PLCL2: variants seen among roughly 807,000 people sequenced by gnomAD.
PLCL2 encodes phospholipase C like 2.
Under a neutral mutation model 79.6 loss-of-function variants are expected in PLCL2, and 4 were observed. The ratio of observed to expected loss-of-function variants is 0.05; its 90% CI spans 0.02 to 0.11. The LOEUF (loss-of-function observed/expected upper bound fraction) is 0.11. Among genes scored for constraint, PLCL2 ranks in the 10% least tolerant of loss-of-function variants. The pLI, the probability that PLCL2 is intolerant of heterozygous loss-of-function variation, is 1.00. For missense variants in PLCL2, 895 were observed against 1,291.0 expected, an observed-to-expected ratio of 0.69 and a Z score of 4.70; for synonymous variants, 484 against 457.7, an observed-to-expected ratio of 1.06 and a Z score of -0.73.
At chr3:16,938,570 C>T (rs1697600151) in intron 1 of PLCL2, among the ~76,000 whole-genome samples, 1 of 151,870 alleles carries the variant, frequency 6.6e-6, no homozygotes, top group South Asian at 2.1e-4. Flanking sequence ...TTTGATTGTC[C>T]CTTATTTAAA....
At position 16,997,506 on chromosome 3, in the gene PLCL2, C is replaced by T. The variant is rs139521124; in HGVS notation, c.328-12168C>T. 6.4e-3 allele frequency among the ~76,000 whole-genome samples: 970 copies of T among 151,642 alleles called. 5 individuals are homozygous for T. The highest frequency in any genetic ancestry group is 0.019 in the African/African-American group (803 of 41,414). On this transcript the variant is annotated intron_variant, in intron 1 of 5. Transcript: ENST00000615277. The stretch of plus-strand genomic sequence containing the variant: ...CTTATTTTTCCAATCTAATTGTCCC[C>T]CTCCACATACACATTAATTTCTTTT...
chr3:16,936,997 G>T (rs890887234), intron 1 of PLCL2, among the ~76,000 whole-genome samples: 1 of 152,034 alleles, frequency 6.6e-6, no homozygotes, highest in African/African-American at 2.4e-5. Flanking sequence ...TGTGTTATAG[G>T]ATGTTTAGTA....
chr3:16,990,462 A>C (rs1364513580), intron 1 of PLCL2, among the ~76,000 whole-genome samples: 1 of 152,208 alleles, frequency 6.6e-6, no homozygotes, highest in Non-Finnish European at 1.5e-5. Flanking sequence ...TTTATGAGAG[A>C]CCAAAGTGTT....
chr3:16,948,617 G>GGT (rs1350146099), intron 1 of PLCL2, among the ~76,000 whole-genome samples: 1 of 152,146 alleles, frequency 6.6e-6, no homozygotes, highest in African/African-American at 2.4e-5. Context: ...AGACTTTAGA[G>GGT]GTACAGAGCA....
Position 16,936,833 on chromosome 3 carries a change from T to G in PLCL2, c.327+51467T>G, listed in dbSNP as rs373922492. Among the ~76,000 whole-genome samples, 4 of 152,320 alleles carry G rather than the reference T, an allele frequency of 2.6e-5. No individual in the cohort carries two copies. The East Asian group carries it at 7.7e-4, about 29-fold the overall frequency. On this transcript the variant is annotated intron_variant, in intron 1 of 5. Coordinates refer to ENST00000615277, the MANE Select transcript of PLCL2 (RefSeq NM_001144382.2). ...AAAAATGGGTATTGGAAGCCATTCT[T>G]TTTTTTCTTCATGACAGCACAGGCT...
intron 5 of PLCL2, among the ~76,000 whole-genome samples, chr3:17,078,860 T>C (rs1575619950): frequency 6.6e-6 from 1 of 152,208 alleles, no homozygotes; most frequent in Admixed American, 6.5e-5. Flanking sequence ...TAGTATAGTA[T>C]GTTGTCTCTT....
At chr3:16,941,646 T>C (rs2063547885) in intron 1 of PLCL2, among the ~76,000 whole-genome samples, 1 of 152,228 alleles carries the variant, frequency 6.6e-6, no homozygotes, top group Admixed American at 6.5e-5. Flanking sequence ...AAGCTCACTT[T>C]GATTCTTCTC....
chr3:16,954,353 C>A lies in PLCL2; in HGVS notation c.328-55321C>A, dbSNP rs57099038. 1.0e-3 allele frequency among the ~76,000 whole-genome samples: 154 copies of A among 152,196 alleles called. 1 individual carries two copies. The highest frequency in any genetic ancestry group is 3.3e-3 in the African/African-American group (136 of 41,512). ...CATCCATGTCCCTGCAAAGGACATGCACTCATCATTTTTTATGGCTGCATA... is the reference window on the plus strand; with the variant it reads ...CATCCATGTCCCTGCAAAGGACATGAACTCATCATTTTTTATGGCTGCATA... On this transcript the variant is annotated intron_variant, in intron 1 of 5. Coordinates refer to ENST00000615277, the MANE Select transcript of PLCL2 (RefSeq NM_001144382.2).
At position 17,002,221 on chromosome 3, in the gene PLCL2, C is replaced by T. The variant is rs542339709; in HGVS notation, c.328-7453C>T. Among the ~76,000 whole-genome samples the T allele has an allele frequency of 6.6e-5, 10 of 152,106 alleles. No individual in the cohort carries two copies. In the East Asian group the frequency reaches 1.4e-3, roughly 21 times the overall value. On this transcript the variant is annotated intron_variant, in intron 1 of 5. Transcript: ENST00000615277. Reference sequence around the variant, plus strand: ...GTAAAGATACTAATTTTTTATCTTGCAACTTTGCTGAATTTGTTTATCAGT... The same window carrying T: ...GTAAAGATACTAATTTTTTATCTTGTAACTTTGCTGAATTTGTTTATCAGT...
At chr3:16,979,064 T>A (rs1202951332) in intron 1 of PLCL2, among the ~76,000 whole-genome samples, 1 of 152,216 alleles carries the variant, frequency 6.6e-6, no homozygotes, top group Non-Finnish European at 1.5e-5. Flanking sequence ...TTATTGACTT[T>A]TGGATGGTAA....
Position 17,014,712 on chromosome 3 carries a change from C to T in PLCL2, c.2819C>T (p.Ala940Val), listed in dbSNP as rs536341230. The change falls in exon 3 of 6, where the codon GCG (alanine) becomes GTG (valine). Residue 940 changes from alanine (A) to valine (V), a missense_variant. Physicochemically the swap from Ala to Val is moderately conservative, Grantham distance 64. Around this residue, in one of 6 missense-constraint regions of PLCL2, gnomAD observed 298 missense variants for 459.6 expected, o/e 0.65. Coordinates refer to ENST00000615277, the MANE Select transcript of PLCL2 (RefSeq NM_001144382.2). ...ATDLRENMQN[A>V]VVSFKELCGL... ...TCCTTTCATTCCATTTAACAGAATG[C>T]GGTGGTGTCATTCAAGGAGCTGTGT... 7 of 1,610,186 alleles carry T rather than the reference C, an allele frequency of 4.3e-6. No homozygotes were observed. The highest frequency in any genetic ancestry group is 1.7e-5 in the Admixed American group (1 of 60,022).
chr3:16,944,738 T>C (rs1364984254), intron 1 of PLCL2, among the ~76,000 whole-genome samples: 1 of 151,170 alleles, frequency 6.6e-6, no homozygotes, highest in Non-Finnish European at 1.5e-5. Flanking sequence ...CTTTAGTTAA[T>C]AAAAATGTAT....
chr3:16,953,869 A>G (rs1575549321), intron 1 of PLCL2, among the ~76,000 whole-genome samples: 1 of 152,172 alleles, frequency 6.6e-6, no homozygotes, highest in East Asian at 1.9e-4. Flanking sequence ...GATGGGTCCC[A>G]AGTATCATAT....
intron 1 of PLCL2, among the ~76,000 whole-genome samples, chr3:16,901,677 CTCTG>C (rs1379886643): frequency 1.3e-5 from 2 of 152,196 alleles, no homozygotes; most frequent in Non-Finnish European, 2.9e-5. Flanking sequence ...TCTTTAACTT[CTCTG>C]TCTGTGCCGT....
intron 1 of PLCL2, among the ~76,000 whole-genome samples, chr3:16,974,493 C>T (rs1196069097): frequency 6.6e-6 from 1 of 152,128 alleles, no homozygotes; most frequent in African/African-American, 2.4e-5. Context: ...GGAACTCATG[C>T]TGAGATGGAG....
At chr3:16,959,634 T>C (rs566418112) in intron 1 of PLCL2, among the ~76,000 whole-genome samples, 1 of 152,124 alleles carries the variant, frequency 6.6e-6, no homozygotes, top group Admixed American at 6.5e-5. Context: ...ATGTTCCCCC[T>C]TGGAGAGTTC....
At chr3:17,073,307 A>G (rs759514135) in intron 5 of PLCL2, among the ~76,000 whole-genome samples, 1 of 151,516 alleles carries the variant, frequency 6.6e-6, no homozygotes. Flanking sequence ...TTACACTATA[A>G]TGTAGTCTAT....
chr3:17,066,016 T>C (rs1425639985), intron 4 of PLCL2, among the ~76,000 whole-genome samples: 1 of 152,214 alleles, frequency 6.6e-6, no homozygotes, highest in African/African-American at 2.4e-5. Context: ...GTATTAAAAC[T>C]TAGAAAAGCC....
In PLCL2 at chr3:17,009,934, A is replaced by G. The variant is rs147244755; in HGVS notation, c.588A>G (p.Thr196=). The G allele has an allele frequency of 8.1e-5, 131 of 1,614,086 alleles. No individual in the cohort carries two copies. In the East Asian group the frequency reaches 2.3e-3, roughly 28 times the overall value. ...TTAAATCCATCAAGGAAGTGAGAACAGGAAAAAACACAGACATATTCCGCA... is the reference window on the plus strand; with the variant it reads ...TTAAATCCATCAAGGAAGTGAGAACGGGAAAAAACACAGACATATTCCGCA... ...IDIKSIKEVR[T]GKNTDIFRSN... The change falls in exon 2 of 6, where the codon ACA becomes ACG. Residue 196 remains threonine, a synonymous_variant. Coordinates refer to ENST00000615277, the MANE Select transcript of PLCL2 (RefSeq NM_001144382.2). This position sits in a 1 kb window ranked among gnomAD's most constrained non-coding sequence, Gnocchi z 4.0.
Sources: gnomAD v4.1 joint callset for allele counts (sites outside exome capture counted in the v4.1 genomes callset) on GRCh38, gnomAD v4.1.1 for gene constraint, gnomAD v4.1.1 regional missense constraint, Gnocchi (gnomAD v3.1) non-coding constraint, MANE v1.5 for transcripts, NCBI Gene and HGNC (gene_info 2026-07-23, HGNC 2026-07-21) for gene names.